NVL: variants seen among roughly 807,000 people sequenced by gnomAD.
The protein encoded by NVL is nuclear VCP like, also known as nuclear valosin-containing protein-like.
NVL carries 84 observed loss-of-function variants against 110.2 expected under a neutral mutation model. The ratio of observed to expected loss-of-function variants is 0.76; its 90% CI spans 0.64 to 0.91. The LOEUF (loss-of-function observed/expected upper bound fraction) is 0.91, where lower values mean the gene tolerates loss of function less well. NVL is among the 40% of genes least tolerant of loss of function. NVL has a pLI of 0.00. For synonymous variants in NVL, 354 were observed against 361.1 expected, an observed-to-expected ratio of 0.98 and a Z score of 0.22; for missense variants, 882 against 1,035.9, an observed-to-expected ratio of 0.85 and a Z score of 2.04.
At chr1:224,268,346 A>T (rs897962663) in intron 17 of NVL, among the ~76,000 whole-genome samples, 3 of 152,174 alleles carry the variant, frequency 2.0e-5, no homozygotes, top group East Asian at 1.9e-4. Context: ...GAGGAAAGTG[A>T]GGCTTAGAGG....
chr1:224,298,398 T>C (rs1402184767), intron 10 of NVL: 1 of 170,382 alleles, frequency 5.9e-6, no homozygotes, highest in African/African-American at 2.4e-5. Context: ...AGAATCAATG[T>C]GTGCGAGAAT....
intron 18 of NVL, among the ~76,000 whole-genome samples, chr1:224,252,928 A>C (rs561849824): frequency 6.6e-6 from 1 of 152,286 alleles, no homozygotes; most frequent in Admixed American, 6.5e-5. Flanking sequence ...GCATTTTCTA[A>C]AGTTTTATGT....
intron 19 of NVL, 148 bp from the exon 20 acceptor site, chr1:224,236,730 G>A (rs1200950862): frequency 8.5e-6 from 5 of 591,128 alleles, no homozygotes; most frequent in Admixed American, 7.9e-5. Flanking sequence ...GTGGAACATG[G>A]TAAAACCCCA....
At chr1:224,267,794 A>G (rs1314012423) in intron 18 of NVL, among the ~76,000 whole-genome samples, 1 of 152,102 alleles carries the variant, frequency 6.6e-6, no homozygotes, top group Admixed American at 6.6e-5. Context: ...CAGTAATACT[A>G]TACTTTTTAC....
At chr1:224,271,828 T>C (rs1004411991) in intron 17 of NVL, among the ~76,000 whole-genome samples, 8 of 151,964 alleles carry the variant, frequency 5.3e-5, no homozygotes, top group South Asian at 2.1e-4. Flanking sequence ...CTGGCCAACA[T>C]AGTGAAACCC....
At chr1:224,305,281 C>T in intron 6 of NVL, 115 bp from the exon 7 acceptor site, 1 of 1,011,868 alleles carries the variant, frequency 9.9e-7, no homozygotes. Context: ...GCACTTTCAC[C>T]TCTGTTAACT....
intron 18 of NVL, among the ~76,000 whole-genome samples, chr1:224,264,267 G>A (rs1384003928): frequency 1.3e-5 from 2 of 149,092 alleles, no homozygotes; most frequent in African/African-American, 2.5e-5. Flanking sequence ...TTTGTGAGAT[G>A]GAGTCTCACT....
chr1:224,274,454 T>A (rs1307171121), intron 17 of NVL, among the ~76,000 whole-genome samples: 4 of 150,318 alleles, frequency 2.7e-5, no homozygotes, highest in Admixed American at 6.7e-5. Flanking sequence ...CTGACCAACA[T>A]GAGGAAACCC....
chr1:224,294,193 T>C (rs1221215779), intron 12 of NVL, 74 bp downstream of exon 12: 18 of 1,479,986 alleles, frequency 1.2e-5, no homozygotes, highest in Non-Finnish European at 1.7e-5. Context: ...ACTTGGTATT[T>C]CTCACCTCTT....
chr1:224,317,150 A>G (rs1356695061), intron 4 of NVL, among the ~76,000 whole-genome samples: 1 of 152,044 alleles, frequency 6.6e-6, no homozygotes. Context: ...AAAGAAAAAA[A>G]AAAAAAAAAG....
intron 17 of NVL, among the ~76,000 whole-genome samples, chr1:224,272,966 G>A (rs1259676968): frequency 1.4e-5 from 2 of 144,514 alleles, no homozygotes; most frequent in African/African-American, 2.5e-5. Flanking sequence ...CCCGGGAGGC[G>A]GAGCTTGCAG....
chr1:224,281,700 C>G (rs1302773408), intron 15 of NVL, among the ~76,000 whole-genome samples: 2 of 151,344 alleles, frequency 1.3e-5, no homozygotes, highest in African/African-American at 4.9e-5. Context: ...CGCCTGTAAT[C>G]CTAGCACTTT....
Position 224,304,765 on chromosome 1 carries a change from C to T in NVL, c.796G>A (p.Asp266Asn), listed in dbSNP as rs762808272. The T allele has an allele frequency of 2.5e-6, 4 of 1,614,056 alleles. No individual in the cohort carries two copies. In the Admixed American group the frequency reaches 6.7e-5, roughly 27 times the overall value. ...AATGTCATATCATTGCCTCCCACAT[C>T]TTCAAACTTCACGTTGGAGATCTGG... ...EFQISNVKFE[D>N]VGGNDMTLKE... Residue 266 changes from aspartate to asparagine, a missense_variant, in exon 8 of 23, where the codon GAT becomes AAT. This residue lies in a region of NVL where 416 missense variants were observed against 499.3 expected (regional missense o/e 0.83). Coordinates refer to ENST00000281701, the MANE Select transcript of NVL (RefSeq NM_002533.4).
chr1:224,260,610 A>C (rs1000100799), intron 18 of NVL, among the ~76,000 whole-genome samples: 2 of 151,954 alleles, frequency 1.3e-5, no homozygotes, highest in Non-Finnish European at 1.5e-5. Flanking sequence ...ACTAGAACCT[A>C]TCTCTCAGAT....
chr1:224,230,330 C>T (rs759646352), intron 22 of NVL, among the ~76,000 whole-genome samples: 4 of 152,126 alleles, frequency 2.6e-5, no homozygotes, highest in African/African-American at 4.8e-5. Context: ...GTGGGCTGGG[C>T]GCAGTGGCTC....
intron 18 of NVL, among the ~76,000 whole-genome samples, chr1:224,252,776 T>C (rs1662652011): frequency 6.6e-6 from 1 of 152,122 alleles, no homozygotes; most frequent in Admixed American, 6.6e-5. Flanking sequence ...AGAGCAGAGG[T>C]TGTCAAATAT....
At chr1:224,321,584 T>C (rs896533795) in intron 2 of NVL, among the ~76,000 whole-genome samples, 37 of 151,996 alleles carry the variant, frequency 2.4e-4, no homozygotes, top group African/African-American at 8.9e-4. Context: ...TTAGTAATAA[T>C]TTTTAAATAA....
chr1:224,299,798 T>C (rs923151704), intron 10 of NVL, among the ~76,000 whole-genome samples: 1 of 152,276 alleles, frequency 6.6e-6, no homozygotes, highest in African/African-American at 2.4e-5. Context: ...GCACCATAAC[T>C]AAGTAGATGG....
chr1:224,303,320 A>G (rs771576941), intron 9 of NVL, among the ~76,000 whole-genome samples: 12 of 152,018 alleles, frequency 7.9e-5, no homozygotes, highest in South Asian at 6.2e-4. Flanking sequence ...CTGTAGTCCC[A>G]GCTACTGGGG....
Sources: gnomAD v4.1 joint callset for allele counts (sites outside exome capture counted in the v4.1 genomes callset) on GRCh38, gnomAD v4.1.1 for gene constraint, gnomAD v4.1.1 regional missense constraint, MANE v1.5 for transcripts, NCBI Gene and HGNC (gene_info 2026-07-23, HGNC 2026-07-21) for gene names.